Variants in SLC39A11 observed in about 807,000 individuals in gnomAD.
The protein encoded by SLC39A11 is solute carrier family 39 member 11.
Under a neutral mutation model 36.1 loss-of-function variants are expected in SLC39A11, and 33 were observed. The observed-to-expected ratio is 0.91, with a 90% CI of 0.69 to 1.22. SLC39A11 has a LOEUF of 1.22. Ranked by LOEUF, SLC39A11 falls within the 50% of genes most tolerant of loss-of-function variation. SLC39A11 has a pLI of 0.00. For synonymous variants in SLC39A11, 166 were observed against 170.3 expected (o/e 0.97, Z 0.20); for missense variants, 432 against 430.3 (o/e 1.00, Z -0.03).
intron 5 of SLC39A11, among the ~76,000 whole-genome samples, chr17:72,939,206 A>G (rs2084943502): frequency 6.6e-6 from 1 of 152,182 alleles, no homozygotes; most frequent in Non-Finnish European, 1.5e-5. Context: ...CACGCCTATA[A>G]TCCCAGCACT....
chr17:72,982,692 C>CTTTT lies in SLC39A11; in HGVS notation c.307-34821_307-34818dup, dbSNP rs57615096. ...CCATTTTTCTAATTCGTTGCCAAGT[C>CTTTT]TTTTTTTTTTTTAACAGCTGTCTCT... On this transcript the variant is annotated intron_variant, in intron 4 of 9. Transcript: ENST00000255559. Among the ~76,000 whole-genome samples the CTTTT allele has an allele frequency of 6.7e-3, 984 of 147,132 alleles. 2 individuals are homozygous for CTTTT. Among genetic ancestry groups the CTTTT allele is most frequent in the Non-Finnish European group, 9.5e-3 (633 of 66,840 alleles).
chr17:72,892,366 C>T (rs949368946), intron 5 of SLC39A11, among the ~76,000 whole-genome samples: 1 of 147,392 alleles, frequency 6.8e-6, no homozygotes, highest in Non-Finnish European at 1.5e-5. Flanking sequence ...GCTGAGATCA[C>T]ACCACTGCAC....
intron 4 of SLC39A11, among the ~76,000 whole-genome samples, chr17:73,017,687 T>C (rs1320311669): frequency 6.6e-6 from 1 of 152,134 alleles, no homozygotes; most frequent in Non-Finnish European, 1.5e-5. Context: ...CACTCCAGCC[T>C]GGGCAATATA....
In SLC39A11 at chr17:72,722,720, C is replaced by T. The variant is rs371385692; in HGVS notation, c.671+13930G>A. Among the ~76,000 whole-genome samples the T allele has an allele frequency of 6.6e-5, 10 of 150,856 alleles. No homozygotes were observed. The East Asian group carries it at 1.8e-3, about 27-fold the overall frequency. On this transcript the variant is annotated intron_variant, in intron 7 of 9. Coordinates refer to ENST00000255559, the MANE Select transcript of SLC39A11 (RefSeq NM_139177.4). ...CACGATCTCAGCTCACTGCAACCTC[C>T]GCCTCCCGGGTTCAAGCGATTCTCC...
intron 4 of SLC39A11, among the ~76,000 whole-genome samples, chr17:73,015,297 T>G (rs1023416097): frequency 6.6e-6 from 1 of 152,204 alleles, no homozygotes; most frequent in African/African-American, 2.4e-5. Flanking sequence ...TGCATTCATG[T>G]CATAGTTAGT....
At chr17:72,900,008 GAGAGAGAGAGAAAGAGAGAGAGAGAGAA>G (rs1187152465) in intron 5 of SLC39A11, among the ~76,000 whole-genome samples, 15 of 131,862 alleles carry the variant, frequency 1.1e-4, no homozygotes, top group East Asian at 2.0e-4. Context: ...GAGAGAAAGA[GAGAGAGAGAGAAAGAGAGAGAGAGAGAA>G]AGAGAGAGAG....
At chr17:73,076,775 G>C (rs1253206955) in intron 3 of SLC39A11, among the ~76,000 whole-genome samples, 3 of 151,506 alleles carry the variant, frequency 2.0e-5, no homozygotes, top group Non-Finnish European at 2.9e-5. Context: ...GAAGTAAGGG[G>C]AAGAGGCAAG....
chr17:72,870,294 G>T (rs1200241180), intron 5 of SLC39A11, among the ~76,000 whole-genome samples: 1 of 143,800 alleles, frequency 7.0e-6, no homozygotes, highest in East Asian at 2.1e-4. Context: ...ACAAGCAGAG[G>T]CCCAGATTAT....
At chr17:72,981,594 CAAAAA>C (rs11444135) in intron 4 of SLC39A11, among the ~76,000 whole-genome samples, 1 of 131,264 alleles carries the variant, frequency 7.6e-6, no homozygotes, top group African/African-American at 2.8e-5. Context: ...TATTTAAATG[CAAAAA>C]AAAAAAAAAA....
intron 6 of SLC39A11, among the ~76,000 whole-genome samples, chr17:72,754,045 T>TACAC (rs1383818868): frequency 5.6e-5 from 3 of 53,284 alleles, no homozygotes; most frequent in Non-Finnish European, 9.8e-5. Context: ...TATATATATA[T>TACAC]ACACATACAC....
intron 4 of SLC39A11, among the ~76,000 whole-genome samples, chr17:73,030,579 T>C (rs1467237750): frequency 6.6e-6 from 1 of 152,122 alleles, no homozygotes; most frequent in Admixed American, 6.5e-5. Context: ...GCAGGAGAAA[T>C]GGACTTTGAC....
At chr17:73,058,774 T>C (rs2059749722) in intron 3 of SLC39A11, among the ~76,000 whole-genome samples, 1 of 152,156 alleles carries the variant, frequency 6.6e-6, no homozygotes, top group Non-Finnish European at 1.5e-5. Context: ...TTGAGTTCCT[T>C]TTGTAGGATC....
intron 6 of SLC39A11, among the ~76,000 whole-genome samples, chr17:72,765,948 T>C (rs1568053387): frequency 6.6e-6 from 1 of 152,140 alleles, no homozygotes; most frequent in Non-Finnish European, 1.5e-5. Context: ...TGAGTAATGA[T>C]CTACAGTCGG....
At chr17:72,811,288 C>G (rs1452660102) in intron 6 of SLC39A11, among the ~76,000 whole-genome samples, 1 of 152,100 alleles carries the variant, frequency 6.6e-6, no homozygotes, top group Non-Finnish European at 1.5e-5. Context: ...TGGGGCCTCT[C>G]TTTTAAGGGC....
intron 7 of SLC39A11, among the ~76,000 whole-genome samples, chr17:72,686,460 C>T (rs919748740): frequency 6.6e-6 from 1 of 152,240 alleles, no homozygotes; most frequent in African/African-American, 2.4e-5. Flanking sequence ...CCCAGCATGG[C>T]TCTTGGCTCG....
chr17:73,077,942 G>A (rs1013593536), intron 3 of SLC39A11, among the ~76,000 whole-genome samples: 1 of 151,994 alleles, frequency 6.6e-6, no homozygotes, highest in Admixed American at 6.6e-5. Context: ...AATAGCTTCT[G>A]ATCTAAAAGA....
intron 5 of SLC39A11, among the ~76,000 whole-genome samples, chr17:72,897,052 CAAAA>C (rs10656675): frequency 9.4e-5 from 6 of 64,164 alleles, no homozygotes. Flanking sequence ...GACTCTGTCT[CAAAA>C]AAAAAAAAAA....
intron 4 of SLC39A11, among the ~76,000 whole-genome samples, chr17:72,966,293 T>C (rs1332395084): frequency 6.6e-6 from 1 of 152,202 alleles, no homozygotes; most frequent in African/African-American, 2.4e-5. Flanking sequence ...GAGAAAATTG[T>C]GACCTCCACG....
At chr17:72,978,220 T>TCCTTCCTCTTTCCCTTCTTTCCTC (rs2088011529) in intron 4 of SLC39A11, among the ~76,000 whole-genome samples, 1 of 152,076 alleles carries the variant, frequency 6.6e-6, no homozygotes, top group East Asian at 1.9e-4. Context: ...CTTCCTTCCT[T>TCCTTCCTCTTTCCCTTCTTTCCTC]CCTTCCTCTT....
Sources: allele counts gnomAD v4.1 joint callset (sites outside exome capture counted in the v4.1 genomes callset), GRCh38; gene constraint gnomAD v4.1.1; transcripts MANE v1.5; gene names NCBI Gene and HGNC (gene_info 2026-07-23, HGNC 2026-07-21).